The following NTNG1 variants were observed in gnomAD, a reference collection of about 807,000 sequenced individuals.
NTNG1 encodes netrin G1, also known as netrin-G1.
In NTNG1, 16 loss-of-function variants were observed where a neutral mutation model predicts 54.0. The observed-to-expected ratio is 0.30, with a 90% confidence interval of 0.20 to 0.45. NTNG1 has a LOEUF of 0.45. Among genes scored for constraint, NTNG1 ranks in the 20% least tolerant of loss-of-function variants. The probability of loss-of-function intolerance (pLI) is 1.00; values close to 1 mark genes in which losing one functional copy is unlikely to be tolerated. For synonymous variants in NTNG1, 255 were observed against 263.1 expected, an observed-to-expected ratio of 0.97 and a Z score of 0.30; for missense variants, 530 against 678.7, an observed-to-expected ratio of 0.78 and a Z score of 2.43.
chr1:107,276,573 A>G lies in NTNG1; in HGVS notation c.247-47709A>G, dbSNP rs9435446. On this transcript the variant is annotated intron_variant, in intron 2 of 7. Coordinates refer to ENST00000370068, the MANE Select transcript of NTNG1 (RefSeq NM_001113226.3). ...CCATTGTGTCTTCAAGCAAGTTCCC[A>G]TAACACTGGGTATCTACTTCTGCTA... is the stretch of plus-strand genomic sequence containing the variant. 8.6e-3 allele frequency among the ~76,000 whole-genome samples: 1,309 copies of G among 152,150 alleles called. 15 individuals are homozygous for G. The highest frequency in any genetic ancestry group is 0.03 in the African/African-American group (1,243 of 41,516).
chr1:107,361,392 T>TATATATATATATA lies in NTNG1; in HGVS notation c.888-33762_888-33761insATATATATATATA, dbSNP rs1553232702. ...ATATATACATATATATATATATATATTTTTTTTTTTTTTTGAGACACAGTT... is the reference window on the plus strand; with the variant it reads ...ATATATACATATATATATATATATATATATATATATATATTTTTTTTTTTTTTGAGACACAGTT... On this transcript the variant is annotated intron_variant, in intron 3 of 7. Transcript: ENST00000370068. 7.7e-4 allele frequency among the ~76,000 whole-genome samples: 18 copies of TATATATATATATA among 23,444 alleles called. No individual in the cohort carries two copies. The East Asian group carries it at 0.015, about 20-fold the overall frequency. The allele number at this position is 23,444 out of a possible 152,430, so 15.4% of individuals were successfully genotyped here. A position where few individuals can be genotyped will look rare whatever the true frequency, so the allele number is the denominator to read the frequency against.
intron 5 of NTNG1, among the ~76,000 whole-genome samples, chr1:107,425,693 C>G (rs1418373442): frequency 6.6e-6 from 1 of 151,998 alleles, no homozygotes; most frequent in East Asian, 1.9e-4. Context: ...TGGGTAGATA[C>G]CCAGTAGTAG....
chr1:107,471,882 C>T (rs1436116844), intron 7 of NTNG1, among the ~76,000 whole-genome samples: 2 of 152,180 alleles, frequency 1.3e-5, no homozygotes, highest in African/African-American at 4.8e-5. Context: ...GAGCTTCTAG[C>T]ACTGGGTGGA....
intron 6 of NTNG1, among the ~76,000 whole-genome samples, chr1:107,433,108 G>A (rs1230291694): frequency 6.6e-6 from 1 of 152,032 alleles, no homozygotes; most frequent in African/African-American, 2.4e-5. Flanking sequence ...TCCATTTCTA[G>A]AAAGTTTATT....
At chr1:107,181,600 G>A (rs906448343) in intron 2 of NTNG1, among the ~76,000 whole-genome samples, 10 of 40,576 alleles carry the variant, frequency 2.5e-4, no homozygotes, top group East Asian at 9.2e-4. Context: ...ACAAATAATC[G>A]CAGATTACAG....
intron 2 of NTNG1, among the ~76,000 whole-genome samples, chr1:107,166,438 C>A (rs1244882639): frequency 6.6e-6 from 1 of 152,022 alleles, no homozygotes; most frequent in African/African-American, 2.4e-5. Context: ...TCTCTATAAG[C>A]AATCTTTAAA....
chr1:107,284,254 G>A (rs946287933), intron 2 of NTNG1, among the ~76,000 whole-genome samples: 3 of 152,020 alleles, frequency 2.0e-5, no homozygotes, highest in African/African-American at 4.8e-5. Flanking sequence ...TATTATAGTG[G>A]CCACTCAATC....
chr1:107,402,991 GT>G (rs1424250290), intron 4 of NTNG1, among the ~76,000 whole-genome samples: 1 of 152,134 alleles, frequency 6.6e-6, no homozygotes, highest in Non-Finnish European at 1.5e-5. Context: ...CTCAAAAGGA[GT>G]TATGGCACTG....
intron 5 of NTNG1, chr1:107,407,921 T>C (rs746077836): frequency 2.2e-5 from 16 of 724,754 alleles, no homozygotes; most frequent in Non-Finnish European, 3.6e-5. Context: ...AACATGGCAG[T>C]GCTATGACTT....
At chr1:107,218,598 A>AT (rs1248591457) in intron 2 of NTNG1, among the ~76,000 whole-genome samples, 1 of 114,318 alleles carries the variant, frequency 8.7e-6, no homozygotes, top group Non-Finnish European at 2.0e-5. Context: ...TATTTCACAC[A>AT]TTCATTTCAA....
intron 1 of NTNG1, chr1:107,141,561 C>T (rs1653714953): frequency 6.6e-6 from 1 of 152,220 alleles, no homozygotes; most frequent in African/African-American, 2.4e-5. Context: ...GCCCCACCCG[C>T]TGCGATGCAC....
At chr1:107,357,907 C>T (rs1357789321) in intron 3 of NTNG1, among the ~76,000 whole-genome samples, 1 of 152,046 alleles carries the variant, frequency 6.6e-6, no homozygotes, top group Non-Finnish European at 1.5e-5. Flanking sequence ...CACTTGGTTT[C>T]ATATATCTAA....
intron 3 of NTNG1, among the ~76,000 whole-genome samples, chr1:107,363,730 T>C (rs1256488151): frequency 2.0e-5 from 3 of 152,186 alleles, no homozygotes; most frequent in Non-Finnish European, 4.4e-5. Flanking sequence ...ACAGGCACCA[T>C]TTCATATTGA....
intron 3 of NTNG1, among the ~76,000 whole-genome samples, chr1:107,346,699 G>A (rs1056036891): frequency 6.6e-6 from 1 of 151,908 alleles, no homozygotes; most frequent in African/African-American, 2.4e-5. Context: ...GAGGTTTATT[G>A]CAAGGCACCC....
intron 5 of NTNG1, among the ~76,000 whole-genome samples, chr1:107,428,296 C>T (rs1675025094): frequency 6.6e-6 from 1 of 152,038 alleles, no homozygotes; most frequent in African/African-American, 2.4e-5. Flanking sequence ...TCTAATTCTC[C>T]TCCTGTTAAA....
chr1:107,359,898 A>T (rs1211539079), intron 3 of NTNG1, among the ~76,000 whole-genome samples: 1 of 152,218 alleles, frequency 6.6e-6, no homozygotes, highest in Non-Finnish European at 1.5e-5. Context: ...CGAGATAGTC[A>T]CTGCTATTTA....
chr1:107,258,819 T>C (rs1333183562), intron 2 of NTNG1, among the ~76,000 whole-genome samples: 3 of 152,194 alleles, frequency 2.0e-5, no homozygotes, highest in Non-Finnish European at 4.4e-5. Context: ...GAACAGACTT[T>C]GGTCTGACAG....
At chr1:107,406,499 A>G (rs183455744) in intron 4 of NTNG1, among the ~76,000 whole-genome samples, 73 of 152,260 alleles carry the variant, frequency 4.8e-4, no homozygotes, top group African/African-American at 1.7e-3. Context: ...AGATGAGGAA[A>G]CAGTGCAAAG....
chr1:107,355,101 A>G (rs945691162), intron 3 of NTNG1, among the ~76,000 whole-genome samples: 1 of 151,878 alleles, frequency 6.6e-6, no homozygotes, highest in Non-Finnish European at 1.5e-5. Flanking sequence ...GTGTTTGGTT[A>G]GTTTTCTTTT....
Sources: allele counts gnomAD v4.1 joint callset (sites outside exome capture counted in the v4.1 genomes callset), GRCh38; gene constraint gnomAD v4.1.1; transcripts MANE v1.5; gene names NCBI Gene and HGNC (gene_info 2026-07-23, HGNC 2026-07-21).